SLC5A4: variants seen among roughly 807,000 people sequenced by gnomAD.
SLC5A4 encodes the protein solute carrier family 5 member 4, also known as probable glucose sensor protein SLC5A4.
Under a neutral mutation model 70.3 loss-of-function variants are expected in SLC5A4, and 55 were observed. The observed-to-expected ratio is 0.78, with a 90% CI of 0.63 to 0.98. The LOEUF (loss-of-function observed/expected upper bound fraction) is 0.98. SLC5A4 is among the 50% of genes least tolerant of loss of function. The probability of loss-of-function intolerance (pLI) is 0.00; values close to 1 mark genes in which losing one functional copy is unlikely to be tolerated. For missense variants in SLC5A4, 735 were observed against 839.2 expected, an observed-to-expected ratio of 0.88 and a Z score of 1.53; for synonymous variants, 268 against 305.7, an observed-to-expected ratio of 0.88 and a Z score of 1.29.
In SLC5A4 at chr22:32,218,528, C is replaced by T. The variant is rs756961630; in HGVS notation, c.1966G>A (p.Gly656Ser). The change falls in exon 15 of 15, where the codon GGC becomes AGC. Residue 656 changes from glycine to serine, a missense_variant. Physicochemically the swap from Gly to Ser is moderately conservative, Grantham distance 56 (BLOSUM62 0). Coordinates refer to ENST00000266086, the MANE Select transcript of SLC5A4 (RefSeq NM_014227.3). Reference protein sequence around the residue: ...LLLAVVVFIHGYYA With the variant: ...LLLAVVVFIHSYYA ...TCAGATAGAGTTCAGGCATAGTAGC[C>T]GTGAATAAAGACCACCACAGCCAGG... The T allele has an allele frequency of 3.2e-5, 51 of 1,610,050 alleles. No individual in the cohort carries two copies. The highest frequency in any genetic ancestry group is 1.2e-4 in the South Asian group (11 of 90,954).
chr22:32,332,154 G>A, the SLC5A4 span, among the ~76,000 whole-genome samples: 10 of 151,914 alleles, frequency 6.6e-5, no homozygotes, highest in Non-Finnish European at 1.2e-4. Flanking sequence ...CAGCCTCTCC[G>A]GTGGACTCCC....
chr22:32,246,867 C>T (rs184063249), intron 5 of SLC5A4, among the ~76,000 whole-genome samples: 1 of 152,256 alleles, frequency 6.6e-6, no homozygotes, highest in East Asian at 1.9e-4. Flanking sequence ...TTAAAATGTA[C>T]TTTAAAATTT....
At chr22:32,347,406 G>A in the SLC5A4 span, among the ~76,000 whole-genome samples, 9 of 152,166 alleles carry the variant, frequency 5.9e-5, no homozygotes, top group East Asian at 1.9e-4. Context: ...ACATGCACAC[G>A]TATGTTTATT....
At chr22:32,251,967 C>G in intron 2 of SLC5A4, 93 bp from the exon 3 acceptor site, 1 of 874,226 alleles carries the variant, frequency 1.1e-6, no homozygotes, top group Non-Finnish European at 1.9e-6. Flanking sequence ...TGGTGGCTCA[C>G]GCCTGTAATC....
chr22:32,271,848 C>A, the SLC5A4 span: 1 of 607,378 alleles, frequency 1.6e-6, no homozygotes, highest in East Asian at 4.3e-5. Flanking sequence ...AGGAAGATCC[C>A]GCTGTGCTGC....
chr22:32,323,932 G>T, the SLC5A4 span, among the ~76,000 whole-genome samples: 3 of 152,016 alleles, frequency 2.0e-5, no homozygotes, highest in Non-Finnish European at 4.4e-5. Flanking sequence ...TCTGGGGTGG[G>T]GGCAGCCTCA....
the SLC5A4 span, among the ~76,000 whole-genome samples, chr22:32,351,470 G>A: frequency 6.6e-6 from 1 of 151,746 alleles, no homozygotes; most frequent in Non-Finnish European, 1.5e-5. Context: ...CTGAGAGGCT[G>A]AGATGGGAAG....
chr22:32,239,549 T>TAA (rs1569374801), intron 5 of SLC5A4, among the ~76,000 whole-genome samples: 35 of 13,914 alleles, frequency 2.5e-3, no homozygotes, highest in African/African-American at 0.02. Context: ...TATATATATA[T>TAA]ATATATATAT....
At chr22:32,279,770 G>A in the SLC5A4 span, among the ~76,000 whole-genome samples, 1 of 152,146 alleles carries the variant, frequency 6.6e-6, no homozygotes, top group Non-Finnish European at 1.5e-5. Context: ...CCATAGCAGT[G>A]GGCCACTGTG....
At chr22:32,346,010 A>C in the SLC5A4 span, among the ~76,000 whole-genome samples, 52 of 152,348 alleles carry the variant, frequency 3.4e-4, 1 homozygote, top group South Asian at 9.9e-3. Flanking sequence ...AGAATAACAT[A>C]CATTAAAAAA....
the SLC5A4 span, among the ~76,000 whole-genome samples, chr22:32,300,548 C>T: frequency 2.0e-5 from 3 of 151,104 alleles, no homozygotes; most frequent in South Asian, 2.1e-4. Flanking sequence ...CACTGACCTG[C>T]GCCCACTGTC....
At chr22:32,312,365 GCA>G in the SLC5A4 span, among the ~76,000 whole-genome samples, 8,490 of 102,144 alleles carry the variant, frequency 0.083, 263 homozygotes, top group Middle Eastern at 0.12. Flanking sequence ...ACGCGCGCGC[GCA>G]CACACACACA....
At chr22:32,337,839 C>G in the SLC5A4 span, among the ~76,000 whole-genome samples, 4 of 147,816 alleles carry the variant, frequency 2.7e-5, no homozygotes, top group Admixed American at 6.8e-5. Flanking sequence ...ATGCAAATAA[C>G]CTTGCCAGCA....
the SLC5A4 span, chr22:32,270,330 G>T: frequency 4.9e-6 from 5 of 1,026,284 alleles, no homozygotes; most frequent in African/African-American, 6.3e-5. Flanking sequence ...GCCACAGGAA[G>T]AATGGGGCTC....
At chr22:32,239,518 T>TTATATA (rs1173210993) in intron 5 of SLC5A4, among the ~76,000 whole-genome samples, 57 of 25,022 alleles carry the variant, frequency 2.3e-3, no homozygotes, top group Admixed American at 5.3e-3. Context: ...GGAGTGCATA[T>TTATATA]TATATATATA....
intron 6 of SLC5A4, 93 bp from the exon 7 acceptor site, chr22:32,237,417 G>A: frequency 1.2e-6 from 1 of 805,518 alleles, no homozygotes. Context: ...CACAACCCTG[G>A]AAATGACCCA....
chr22:32,320,329 T>A, the SLC5A4 span, among the ~76,000 whole-genome samples: 7 of 152,188 alleles, frequency 4.6e-5, no homozygotes, highest in Non-Finnish European at 8.8e-5. Flanking sequence ...ACGGTACAGA[T>A]GCCCACATCC....
intron 4 of SLC5A4, among the ~76,000 whole-genome samples, chr22:32,248,035 A>C (rs1926931407): frequency 6.6e-6 from 1 of 152,148 alleles, no homozygotes. Flanking sequence ...GTCATTATGC[A>C]GGGGCACCAT....
chr22:32,307,527 C>G, the SLC5A4 span, among the ~76,000 whole-genome samples: 1 of 152,310 alleles, frequency 6.6e-6, no homozygotes, highest in South Asian at 2.1e-4. Context: ...CGGCAAGTGT[C>G]TGTTGAATAG....
Sources: gnomAD v4.1 joint callset for allele counts (sites outside exome capture counted in the v4.1 genomes callset) on GRCh38, gnomAD v4.1.1 for gene constraint, MANE v1.5 for transcripts, NCBI Gene and HGNC (gene_info 2026-07-23, HGNC 2026-07-21) for gene names.